The following NOMO1 variants were observed in gnomAD, a reference collection of about 807,000 sequenced individuals.
NOMO1 encodes the protein nodal modulator 3.
In NOMO1, 40 loss-of-function variants were observed where a neutral mutation model predicts 133.8. The ratio of observed to expected loss-of-function variants is 0.30; its 90% CI spans 0.23 to 0.39. The LOEUF (loss-of-function observed/expected upper bound fraction) is 0.39. Among genes scored for constraint, NOMO1 ranks in the 10% least tolerant of loss-of-function variants. The probability of loss-of-function intolerance (pLI) is 1.00; values close to 1 mark genes in which losing one functional copy is unlikely to be tolerated. For missense variants in NOMO1, 462 were observed against 1,419.9 expected (o/e 0.33, Z 10.84); for synonymous variants, 236 against 570.5 (o/e 0.41, Z 8.36).
At chr16:14,856,745 G>A (rs1157684239) in intron 9 of NOMO1, among the ~76,000 whole-genome samples, 3 of 152,096 alleles carry the variant, frequency 2.0e-5, no homozygotes, top group East Asian at 3.9e-4. Flanking sequence ...TGTTCAGGTC[G>A]TGGTGGAAAG....
chr16:14,893,252 G>A (rs973489225), intron 29 of NOMO1, among the ~76,000 whole-genome samples: 2 of 151,884 alleles, frequency 1.3e-5, no homozygotes, highest in African/African-American at 4.9e-5. Flanking sequence ...CTGGAGTGCA[G>A]TGGCACGATC....
Position 14,878,376 on chromosome 16 carries a change from C to T in NOMO1, c.2644-345C>T, listed in dbSNP as rs1964189686. Among the ~76,000 whole-genome samples the T allele has an allele frequency of 4.0e-5, 5 of 123,848 alleles. No homozygotes were observed. The South Asian group carries it at 1.6e-3, about 39-fold the overall frequency. The allele number at this position is 123,848 out of a possible 152,430, so 81.2% of individuals were successfully genotyped here. A position where few individuals can be genotyped will look rare whatever the true frequency, so the allele number is the denominator to read the frequency against. On this transcript the variant is annotated intron_variant, in intron 22 of 30. Transcript: ENST00000287667. ...GGGCATGGTGGTGTGCGCCTATAGT[C>T]CCATCTCCTCAGGAGGTTAAAGCTG...
intron 11 of NOMO1, chr16:14,862,592 A>G (rs1963936228): frequency 5.5e-6 from 1 of 182,624 alleles, no homozygotes; most frequent in Admixed American, 5.3e-5. Context: ...TGGTAATGCC[A>G]CAGTTTCTTA....
chr16:14,836,721 C>G (rs1176489724), intron 1 of NOMO1, among the ~76,000 whole-genome samples: 3 of 122,234 alleles, frequency 2.5e-5, no homozygotes, highest in African/African-American at 1.1e-4. Flanking sequence ...TTTTTTGAGA[C>G]GGAGTCTCGC....
Position 14,875,023 on chromosome 16 carries a change from G to A in NOMO1, c.2055-13G>A, listed in dbSNP as rs368810446. ...GATACGCAACTATGTCCTAGGGGCC[G>A]TCTTTCTTCTAGGTCTTCCATCGAC... On this transcript the variant is annotated splice_polypyrimidine_tract_variant and intron_variant, in intron 18 of 30. Coordinates refer to ENST00000287667, the MANE Select transcript of NOMO1 (RefSeq NM_014287.4). 479 of 1,613,648 alleles carry A rather than the reference G, an allele frequency of 3.0e-4. 2 individuals are homozygous for A. Among genetic ancestry groups the A allele is most frequent in the Non-Finnish European group, 3.5e-4 (415 of 1,179,806 alleles).
rs1051773626 is a variant in NOMO1, at chr16:14,859,204, T to G, written c.1220+1549T>G. Among the ~76,000 whole-genome samples, 41 of 151,842 alleles carry G rather than the reference T, an allele frequency of 2.7e-4. 1 individual carries two copies. The highest frequency in any genetic ancestry group is 1.0e-3 in the South Asian group (5 of 4,802). On this transcript the variant is annotated intron_variant, in intron 11 of 30. Transcript: ENST00000287667. ...AAAGTAAGTTTGGGGTAGGAGGTAGTGCCCAACAGGGAGGTGCAGGGAGCT... is the reference window on the plus strand; with the variant it reads ...AAAGTAAGTTTGGGGTAGGAGGTAGGGCCCAACAGGGAGGTGCAGGGAGCT...
At chr16:14,851,166 G>A (rs1963753579) in intron 6 of NOMO1, among the ~76,000 whole-genome samples, 2 of 150,978 alleles carry the variant, frequency 1.3e-5, no homozygotes, top group African/African-American at 2.4e-5. Flanking sequence ...TACATTGTAT[G>A]TTAATTGTCT....
intron 29 of NOMO1, among the ~76,000 whole-genome samples, chr16:14,889,550 A>G (rs1212441560): frequency 1.3e-5 from 2 of 151,912 alleles, no homozygotes; most frequent in Admixed American, 1.3e-4. Context: ...AAAAAACAAA[A>G]CAAAACAAAA....
intron 11 of NOMO1, among the ~76,000 whole-genome samples, chr16:14,859,745 A>G (rs1963895143): frequency 6.6e-6 from 1 of 152,178 alleles, no homozygotes; most frequent in Admixed American, 6.5e-5. Flanking sequence ...AGATTTTAAA[A>G]AAAGACAAGA....
chr16:14,836,168 T>C (rs1158202436), intron 1 of NOMO1, among the ~76,000 whole-genome samples: 3 of 152,092 alleles, frequency 2.0e-5, no homozygotes, highest in Non-Finnish European at 4.4e-5. Flanking sequence ...TCCCTTGATG[T>C]TGCCTCCCTA....
intron 4 of NOMO1, among the ~76,000 whole-genome samples, 177 bp from the exon 5 acceptor site, chr16:14,846,400 G>A (rs1014750112): frequency 1.4e-5 from 2 of 144,726 alleles, no homozygotes; most frequent in East Asian, 2.0e-4. Flanking sequence ...TACTGTTACT[G>A]TTCCCTCTCC....
At chr16:14,836,380 A>G (rs1161326359) in intron 1 of NOMO1, among the ~76,000 whole-genome samples, 4 of 152,114 alleles carry the variant, frequency 2.6e-5, no homozygotes, top group African/African-American at 7.2e-5. Context: ...CAAATGTTCA[A>G]ATGTTCGTTT....
chr16:14,845,656 T>C (rs1450098381), intron 4 of NOMO1, among the ~76,000 whole-genome samples: 1 of 151,890 alleles, frequency 6.6e-6, no homozygotes, highest in East Asian at 1.9e-4. Context: ...CTTCCTTCCT[T>C]CCTGTCCTTC....
chr16:14,853,645 C>T, intron 8 of NOMO1, 41 bp downstream of exon 8: 1 of 1,611,462 alleles, frequency 6.2e-7, no homozygotes, highest in Non-Finnish European at 8.5e-7. Context: ...GTCTGAGACT[C>T]TCATGACACA....
chr16:14,881,579 C>A lies in NOMO1; in HGVS notation c.2921C>A (p.Pro974His). 1 of 1,609,048 alleles carries A rather than the reference C, an allele frequency of 6.2e-7. No homozygotes were observed. ...YGTVSSLNGE[P>H]EQGVAMEAVG... The stretch of plus-strand genomic sequence containing the variant: ...ACAGTGTCTTCCTTAAACGGAGAGC[C>A]CGAACAAGGGGTTGCCATGGAAGCG... Residue 974 changes from proline to histidine, a missense_variant, in exon 25 of 31, where the codon CCC becomes CAC. By Grantham distance (77) the Pro-to-His change is moderately conservative. Transcript: ENST00000287667.
chr16:14,881,298 C>T (rs564087931), intron 24 of NOMO1, among the ~76,000 whole-genome samples: 1 of 151,708 alleles, frequency 6.6e-6, no homozygotes, highest in Non-Finnish European at 1.5e-5. Flanking sequence ...AAAGCTTTAG[C>T]CTTCTTAAAT....
At position 14,853,543 on chromosome 16, in the gene NOMO1, C is replaced by T. The variant is rs549552033; in HGVS notation, c.812C>T (p.Thr271Met). 2.8e-4 allele frequency: 446 copies of T among 1,608,002 alleles called. 1 individual carries two copies. The highest frequency in any genetic ancestry group is 3.3e-4 in the Non-Finnish European group (392 of 1,179,088). Reference protein sequence around the residue: ...QDESLVYLCYTVSREDGSFSF... With the variant: ...QDESLVYLCYMVSREDGSFSF... ...GAGAGTCTGGTGTATTTGTGCTACA[C>T]GGTCTCCAGAGAAGATGGCTCGTTC... Residue 271 changes from threonine (T) to methionine (M), a missense_variant, in exon 8 of 31, where the codon ACG (threonine) becomes ATG (methionine). Coordinates refer to ENST00000287667, the MANE Select transcript of NOMO1 (RefSeq NM_014287.4).
chr16:14,859,894 C>T (rs1213415765), intron 11 of NOMO1, among the ~76,000 whole-genome samples: 1 of 151,974 alleles, frequency 6.6e-6, no homozygotes, highest in Non-Finnish European at 1.5e-5. Context: ...TAAAAGTTAG[C>T]TAAAGAAAGA....
intron 22 of NOMO1, 95 bp downstream of exon 22, chr16:14,876,885 C>CTAGG: frequency 6.8e-7 from 1 of 1,474,700 alleles, no homozygotes; most frequent in Non-Finnish European, 9.2e-7. Context: ...TAGTCTTGAC[C>CTAGG]TAGGAATACA....
Sources: gnomAD v4.1 joint callset for allele counts (sites outside exome capture counted in the v4.1 genomes callset) on GRCh38, gnomAD v4.1.1 for gene constraint, MANE v1.5 for transcripts, NCBI Gene and HGNC (gene_info 2026-07-23, HGNC 2026-07-21) for gene names.